Variants in SEPTIN3 observed in about 807,000 individuals in gnomAD.
The protein encoded by SEPTIN3 is neuronal-specific septin-3.
SEPTIN3 carries 15 observed loss-of-function variants against 45.1 expected under a neutral mutation model. That is an observed-to-expected ratio of 0.33 (90% CI 0.22 to 0.51). SEPTIN3 has a LOEUF of 0.51. SEPTIN3 is among the 20% of genes least tolerant of loss of function. The pLI is 0.97. For missense variants in SEPTIN3, 289 were observed against 457.2 expected, an observed-to-expected ratio of 0.63 and a Z score of 3.35; for synonymous variants, 148 against 164.8, an observed-to-expected ratio of 0.90 and a Z score of 0.78.
chr22:41,978,601 T>C (rs180859541), intron 2 of SEPTIN3, among the ~76,000 whole-genome samples: 275 of 152,224 alleles, frequency 1.8e-3, no homozygotes, highest in African/African-American at 6.4e-3. Flanking sequence ...CAGAGCAGCA[T>C]TGGTTCTGTG....
rs559885312 is a variant in SEPTIN3, at chr22:41,974,393, G to T, written c.1504+1397G>T. On this transcript the variant is annotated intron_variant, in intron 2 of 11. Transcript: ENST00000644076. ...AGACTAGCCTGGCCAGGCCAGGCGT[G>T]GTGGCTCACACCTATAATCCCAGAA... Among the ~76,000 whole-genome samples, 542 of 152,050 alleles carry T rather than the reference G, an allele frequency of 3.6e-3. 3 individuals are homozygous for T. The highest frequency in any genetic ancestry group is 0.012 in the African/African-American group (511 of 41,470).
chr22:41,979,919 G>A (rs1329433726), intron 2 of SEPTIN3, among the ~76,000 whole-genome samples: 1 of 152,178 alleles, frequency 6.6e-6, no homozygotes, highest in Non-Finnish European at 1.5e-5. Flanking sequence ...AGACTCTGCA[G>A]GGTGTTAGTC....
At chr22:41,981,383 T>C (rs948438266) in intron 2 of SEPTIN3, 2 of 432,974 alleles carry the variant, frequency 4.6e-6, no homozygotes, top group Non-Finnish European at 8.2e-6. Flanking sequence ...TGAGGTGCAT[T>C]TGAAAGTGCC....
chr22:41,994,922 T>TGTGTGA lies in SEPTIN3; in HGVS notation c.2505+209_2505+210insTGTGAG, dbSNP rs747549425. ...GTGTGTGTGTGTGTGTGTGTGTGTGTGACAGAGAGAGAGCGAGAGAGCCTG... is the reference window on the plus strand; with the variant it reads ...GTGTGTGTGTGTGTGTGTGTGTGTGTGTGTGAGACAGAGAGAGAGCGAGAGAGCCTG... On this transcript the variant is annotated intron_variant, in intron 11 of 11. Transcript: ENST00000644076. This position sits in a 1 kb window ranked among gnomAD's most constrained non-coding sequence, Gnocchi z 4.2. 6.2e-6 allele frequency: 8 copies of TGTGTGA among 1,297,150 alleles called. No homozygotes were observed. The East Asian group carries it at 7.9e-5, about 13-fold the overall frequency. 80.4% of individuals were successfully genotyped at this position (1,297,150 alleles called of 1,614,324 possible). A position where few individuals can be genotyped will look rare whatever the true frequency, so the allele number is the denominator to read the frequency against.
At chr22:41,987,115 A>G in intron 4 of SEPTIN3, 91 bp from the exon 5 acceptor site, 1 of 930,226 alleles carries the variant, frequency 1.1e-6, no homozygotes, top group Non-Finnish European at 1.6e-6. Context: ...TCCTGAAGAC[A>G]AGGCCTGGGT....
intron 2 of SEPTIN3, chr22:41,977,160 G>A (rs2078041326): frequency 2.1e-6 from 3 of 1,412,162 alleles, no homozygotes; most frequent in Admixed American, 4.6e-5. Flanking sequence ...CTGGGGGAGG[G>A]TTTCCGCGCC....
chr22:41,970,568 C>G (rs2077948590), intron 1 of SEPTIN3, among the ~76,000 whole-genome samples: 1 of 152,190 alleles, frequency 6.6e-6, no homozygotes, highest in African/African-American at 2.4e-5. Flanking sequence ...TTGCTGTAGC[C>G]TGGCCTGGAC....
At chr22:41,982,926 G>A (rs180725066) in intron 3 of SEPTIN3, among the ~76,000 whole-genome samples, 2 of 152,052 alleles carry the variant, frequency 1.3e-5, no homozygotes, top group East Asian at 3.9e-4. Context: ...GAGTAGGAAG[G>A]GACCTTTGCC....
At chr22:41,986,487 CTTTT>C (rs1226306928) in intron 4 of SEPTIN3, among the ~76,000 whole-genome samples, 3 of 151,930 alleles carry the variant, frequency 2.0e-5, no homozygotes, top group Non-Finnish European at 4.4e-5. Flanking sequence ...AACCCTGTCT[CTTTT>C]TTTGTTTGTT....
rs1460668977 is a variant in SEPTIN3, at chr22:41,972,957, A to G, written c.1465A>G (p.Thr489Ala). Residue 489 changes from threonine to alanine, a missense_variant, in exon 2 of 12, where the codon ACA becomes GCA. By Grantham distance (58) the Thr-to-Ala change is moderately conservative. This residue lies in a region of SEPTIN3 where 200 missense variants were observed against 315.1 expected (regional missense o/e 0.63). Transcript: ENST00000644076. ...DNTNAAMDRA[T>A]EPASLDLATE... ...CACTAATGCTGCCATGGACAGAGCC[A>G]CAGAGCCTGCCTCACTGGACCTGGC... 2.5e-6 allele frequency: 1 copy of G among 398,898 alleles called. No homozygotes were observed. Among genetic ancestry groups the G allele is most frequent in the Admixed American group, 4.4e-5 (1 of 22,710 alleles). 24.7% of individuals were successfully genotyped at this position (398,898 alleles called of 1,614,324 possible). A position where few individuals can be genotyped will look rare whatever the true frequency, so the allele number is the denominator to read the frequency against.
In SEPTIN3 at chr22:41,994,228, C is replaced by A; in HGVS notation, c.2360-62C>A. On this transcript the variant is annotated intron_variant, in intron 9 of 11. Coordinates refer to ENST00000644076, the MANE Select transcript of SEPTIN3 (RefSeq NM_001363845.2). The surrounding 1 kb of genome is among the most constrained non-coding windows in gnomAD (Gnocchi z 4.2). ...CCGTGACCCAAACAGAAGCTCACCT[C>A]CTGGGTGTTGCTGTATTAATGAACT... The A allele has an allele frequency of 1.3e-6, 2 of 1,531,934 alleles. No individual in the cohort carries two copies. The highest frequency in any genetic ancestry group is 1.1e-5 in the South Asian group (1 of 89,402). The allele number at this position is 1,531,934 out of a possible 1,614,324, so 94.9% of individuals were successfully genotyped here.
At chr22:41,991,240 G>A (rs897783681) in intron 7 of SEPTIN3, among the ~76,000 whole-genome samples, 7 of 152,168 alleles carry the variant, frequency 4.6e-5, no homozygotes, top group African/African-American at 1.7e-4. Flanking sequence ...ACATGCAGGG[G>A]TCTGAGCACT....
chr22:41,979,633 G>A (rs1248057979), intron 2 of SEPTIN3, among the ~76,000 whole-genome samples: 1 of 152,256 alleles, frequency 6.6e-6, no homozygotes, highest in Non-Finnish European at 1.5e-5. Flanking sequence ...GCCATGCGGA[G>A]CTGCCTGGCT....
Position 41,971,816 on chromosome 22 carries a change from C to T in SEPTIN3, c.324C>T (p.Ser108=), listed in dbSNP as rs183845587. 2.6e-4 allele frequency: 102 copies of T among 399,380 alleles called. 1 individual carries two copies. The highest frequency in any genetic ancestry group is 2.5e-3 in the South Asian group (20 of 7,866). The allele number at this position is 399,380 out of a possible 1,614,324, so 24.7% of individuals were successfully genotyped here. Residue 108 remains serine (S), a synonymous_variant, in exon 2 of 12, where the codon TCC becomes TCT. Transcript: ENST00000644076. Reference sequence around the variant, plus strand: ...GCCTTGTACCCAGGAAGCTCAGCTCCATCTCCTTGACTCTCCATCAGAACA... The same window carrying T: ...GCCTTGTACCCAGGAAGCTCAGCTCTATCTCCTTGACTCTCCATCAGAACA... ...TSSLVPRKLS[S]ISLTLHQNSQ... is the part of the protein sequence containing the mutation.
chr22:41,990,573 G>A lies in SEPTIN3; in HGVS notation c.2163+889G>A, dbSNP rs371839095. ...ATCCTGGCTAACACGGTGAAACCCCGTCTCTACTAAAAATACAAAAAAATT... is the reference window on the plus strand; with the variant it reads ...ATCCTGGCTAACACGGTGAAACCCCATCTCTACTAAAAATACAAAAAAATT... On this transcript the variant is annotated intron_variant, in intron 7 of 11. Transcript: ENST00000644076. 6.2e-4 allele frequency among the ~76,000 whole-genome samples: 90 copies of A among 145,112 alleles called. 1 individual carries two copies. Among genetic ancestry groups the A allele is most frequent in the East Asian group, 8.7e-4 (4 of 4,612 alleles).
At chr22:41,985,266 G>A (rs930905122) in intron 3 of SEPTIN3, among the ~76,000 whole-genome samples, 2 of 152,240 alleles carry the variant, frequency 1.3e-5, no homozygotes, top group African/African-American at 2.4e-5. Flanking sequence ...AGCGAAGGAA[G>A]TGGATGCAGG....
chr22:41,991,513 A>G, intron 7 of SEPTIN3, 60 bp from the exon 8 acceptor site: 1 of 1,227,630 alleles, frequency 8.1e-7, no homozygotes, highest in East Asian at 2.3e-5. Flanking sequence ...ACAGGTGCAC[A>G]CACCCCTCTT....
At chr22:41,975,123 T>C (rs2078005058) in intron 2 of SEPTIN3, among the ~76,000 whole-genome samples, 1 of 152,124 alleles carries the variant, frequency 6.6e-6, no homozygotes, top group Non-Finnish European at 1.5e-5. Flanking sequence ...GAAAGGTAAG[T>C]TGGAGCCTTG....
chr22:41,995,216 A>G, intron 11 of SEPTIN3: 1 of 999,342 alleles, frequency 1.0e-6, no homozygotes, highest in Non-Finnish European at 1.2e-6. Flanking sequence ...AGACCTGAGT[A>G]GGGGGCAGGG....
Sources: gnomAD v4.1 joint callset for allele counts (sites outside exome capture counted in the v4.1 genomes callset) on GRCh38, gnomAD v4.1.1 for gene constraint, gnomAD v4.1.1 regional missense constraint, Gnocchi (gnomAD v3.1) non-coding constraint, MANE v1.5 for transcripts, NCBI Gene and HGNC (gene_info 2026-07-23, HGNC 2026-07-21) for gene names.